The following PCDH17 variants were observed in gnomAD, a reference collection of about 807,000 sequenced individuals.
PCDH17 encodes protocadherin 17.
Under a neutral mutation model 67.7 loss-of-function variants are expected in PCDH17, and 21 were observed. That is an observed-to-expected ratio of 0.31 (90% confidence interval 0.22 to 0.45). PCDH17 has a LOEUF of 0.45. PCDH17 is among the 20% of genes least tolerant of loss of function. The pLI, the probability that PCDH17 is intolerant of heterozygous loss-of-function variation, is 1.00. For synonymous variants in PCDH17, 701 were observed against 656.7 expected, an observed-to-expected ratio of 1.07 and a Z score of -1.03; for missense variants, 1,471 against 1,564.8, an observed-to-expected ratio of 0.94 and a Z score of 1.01.
At chr13:57,693,344 A>ATATATATC (rs1384014902) in intron 3 of PCDH17, among the ~76,000 whole-genome samples, 3 of 141,046 alleles carry the variant, frequency 2.1e-5, no homozygotes, top group African/African-American at 7.7e-5. Flanking sequence ...ATATATATAT[A>ATATATATC]TCAAGGAGTT....
chr13:57,675,525 C>T (rs559423422), intron 3 of PCDH17, among the ~76,000 whole-genome samples: 8 of 151,842 alleles, frequency 5.3e-5, no homozygotes, highest in South Asian at 4.1e-4. Flanking sequence ...AGAATGAAAA[C>T]CCAGCCCAGA....
intron 3 of PCDH17, among the ~76,000 whole-genome samples, chr13:57,678,058 T>G (rs1165714372): frequency 6.6e-6 from 1 of 151,758 alleles, no homozygotes; most frequent in East Asian, 1.9e-4. Flanking sequence ...GGATGTTAAG[T>G]GTTCTCCCTA....
intron 3 of PCDH17, among the ~76,000 whole-genome samples, chr13:57,694,509 C>T (rs1955588737): frequency 1.3e-5 from 2 of 151,102 alleles, no homozygotes; most frequent in South Asian, 4.1e-4. Flanking sequence ...TATTAGGGAA[C>T]ATTCTTTACT....
chr13:57,670,758 T>C (rs1955310578), intron 3 of PCDH17, among the ~76,000 whole-genome samples: 1 of 151,876 alleles, frequency 6.6e-6, no homozygotes, highest in South Asian at 2.1e-4. Flanking sequence ...GATTTTATTT[T>C]ATTAGCTCAA....
chr13:57,713,692 C>A (rs1168327425), intron 3 of PCDH17, among the ~76,000 whole-genome samples: 3 of 151,472 alleles, frequency 2.0e-5, no homozygotes, highest in African/African-American at 7.3e-5. Flanking sequence ...TGTATTTATT[C>A]AAGTACATAT....
At chr13:57,678,137 C>G (rs2138042992) in intron 3 of PCDH17, among the ~76,000 whole-genome samples, 1 of 139,134 alleles carries the variant, frequency 7.2e-6, no homozygotes, top group South Asian at 2.2e-4. Flanking sequence ...CTCTCTCTCT[C>G]TATCTCCATA....
intron 3 of PCDH17, among the ~76,000 whole-genome samples, chr13:57,697,383 C>T (rs1159659053): frequency 1.3e-5 from 2 of 151,464 alleles, no homozygotes; most frequent in African/African-American, 4.8e-5. Context: ...TTAAGTTATC[C>T]TTTTAGATTT....
rs1954765612 is a variant in PCDH17 at position 57,633,639 on chromosome 13, G to GC, written c.1097dup (p.Pro367SerfsTer12). 1 of 1,608,638 alleles carries GC rather than the reference G, an allele frequency of 6.2e-7. No individual in the cohort carries two copies. Among genetic ancestry groups the GC allele is most frequent in the African/African-American group, 1.3e-5 (1 of 74,930 alleles). On this transcript the variant is annotated frameshift_variant, in exon 1 of 4. Transcript: ENST00000377918. LOFTEE classifies it high-confidence loss of function. The surrounding 1 kb of genome is among the most constrained non-coding windows in gnomAD (Gnocchi z 6.2). ...GCGCCAGGGGGCGCTGAGCGAGGCC[G>GC]CCCCTCCCGGCACCGTCATCGCCCT...
rs375857410 is a variant in PCDH17 at position 57,632,670 on chromosome 13, GCTCGACTGCAGC to G, written c.127_138del (p.Arg43_Pro46del). ...GGTGATCGGGAACATCGGCAGGGAT[GCTCGACTGCAGC>G]CTGGGCTTCCGCCTGCAGAGCGCGG... On this transcript the variant is annotated inframe_deletion, in exon 1 of 4. Transcript: ENST00000377918. The G allele has an allele frequency of 2.5e-6, 4 of 1,611,802 alleles. No individual in the cohort carries two copies. In the African/African-American group the frequency reaches 5.3e-5, roughly 21 times the overall value.
rs890413221 is a variant in PCDH17, at chr13:57,728,280, A to G, written c.*2986A>G. On this transcript the variant is annotated 3_prime_UTR_variant, in exon 4 of 4. Coordinates refer to ENST00000377918, the MANE Select transcript of PCDH17 (RefSeq NM_001040429.3). ...AGCACCTTGCTCTAATAGGTGATGC[A>G]TGAGCAAACAGTGAGATTTGAAGGG... 15 of 152,546 alleles carry G rather than the reference A, an allele frequency of 9.8e-5. No homozygotes were observed. The highest frequency in any genetic ancestry group is 3.6e-4 in the African/African-American group (15 of 41,438). The allele number at this position is 152,546 out of a possible 1,614,324, so 9.4% of individuals were successfully genotyped here.
chr13:57,657,236 T>G (rs1047574825), intron 1 of PCDH17, among the ~76,000 whole-genome samples: 1 of 152,152 alleles, frequency 6.6e-6, no homozygotes, highest in Non-Finnish European at 1.5e-5. Flanking sequence ...AAATTCTTAC[T>G]TACAGGATGT....
At chr13:57,713,489 T>C (rs1955793965) in intron 3 of PCDH17, among the ~76,000 whole-genome samples, 1 of 151,636 alleles carries the variant, frequency 6.6e-6, no homozygotes, top group African/African-American at 2.4e-5. Context: ...TTATAGGTAT[T>C]TTTGACTATT....
chr13:57,652,141 G>A (rs890723804), intron 1 of PCDH17, among the ~76,000 whole-genome samples: 4 of 151,896 alleles, frequency 2.6e-5, no homozygotes, highest in Admixed American at 6.6e-5. Context: ...AGCCGGGCGC[G>A]GTGGCGGGCG....
In PCDH17 at chr13:57,666,786, C is replaced by T. The variant is rs1175067133; in HGVS notation, c.2750C>T (p.Ala917Val). The change falls in exon 3 of 4, where the codon GCA becomes GTA. Residue 917 changes from alanine to valine, a missense_variant. By Grantham distance (64) the Ala-to-Val change is moderately conservative. Coordinates refer to ENST00000377918, the MANE Select transcript of PCDH17 (RefSeq NM_001040429.3). ...TGCTGTGACATGTCTGTTAGGGAGGCACTCAAGATGAAAACTACTTCAACT... is the reference window on the plus strand; with the variant it reads ...TGCTGTGACATGTCTGTTAGGGAGGTACTCAAGATGAAAACTACTTCAACT... ...GSCCDMSVRE[A>V]LKMKTTSTKS... is the part of the protein sequence containing the mutation. 6.2e-7 allele frequency: 1 copy of T among 1,612,658 alleles called. No individual in the cohort carries two copies.
rs760948599 is a variant in PCDH17 at position 57,635,128 on chromosome 13, A to G, written c.2565+17A>G. Reference sequence around the variant, plus strand: ...ATAATTCAGGTAGGAGACTTTTAGCATAACTGGGAGTTCACTTTATTGCTG... The same window carrying G: ...ATAATTCAGGTAGGAGACTTTTAGCGTAACTGGGAGTTCACTTTATTGCTG... On this transcript the variant is annotated intron_variant, in intron 1 of 3. Transcript: ENST00000377918. 5 of 1,611,336 alleles carry G rather than the reference A, an allele frequency of 3.1e-6. No homozygotes were observed. Among genetic ancestry groups the G allele is most frequent in the Middle Eastern group, 1.7e-4 (1 of 6,042 alleles).
chr13:57,699,270 G>A (rs61961905), intron 3 of PCDH17, among the ~76,000 whole-genome samples: 9,630 of 151,932 alleles, frequency 0.063, 342 homozygotes, highest in Middle Eastern at 0.099. Flanking sequence ...TTTGTGAAAT[G>A]ATTCATATCT....
At chr13:57,635,153 G>C (rs765268557) in intron 1 of PCDH17, 42 bp downstream of exon 1, 3 of 1,601,912 alleles carry the variant, frequency 1.9e-6, no homozygotes, top group Admixed American at 3.4e-5. Context: ...CTTTATTGCT[G>C]GTTTTGGAGC....
intron 1 of PCDH17, among the ~76,000 whole-genome samples, chr13:57,654,613 T>A (rs1243082401): frequency 6.6e-6 from 1 of 151,872 alleles, no homozygotes; most frequent in Non-Finnish European, 1.5e-5. Flanking sequence ...AAAGAAAAAA[T>A]TGGAGATGCT....
At chr13:57,723,125 A>G (rs1174352078) in intron 3 of PCDH17, among the ~76,000 whole-genome samples, 2 of 152,198 alleles carry the variant, frequency 1.3e-5, no homozygotes, top group Admixed American at 1.3e-4. Context: ...TGAATATTTA[A>G]TTTACTCATA....
Sources: gnomAD v4.1 joint callset for allele counts (sites outside exome capture counted in the v4.1 genomes callset) on GRCh38, gnomAD v4.1.1 for gene constraint, Gnocchi (gnomAD v3.1) non-coding constraint, MANE v1.5 for transcripts, NCBI Gene and HGNC (gene_info 2026-07-23, HGNC 2026-07-21) for gene names.